Variants in PRKDC observed in about 807,000 individuals in gnomAD.
PRKDC encodes protein kinase, DNA-activated, catalytic subunit.
A neutral mutation model predicts 486.9 loss-of-function variants in PRKDC; 82 were observed. That is an observed-to-expected ratio of 0.17 (90% CI 0.14 to 0.20). The LOEUF is 0.20. Among genes scored for constraint, PRKDC ranks in the 10% least tolerant of loss-of-function variants. PRKDC has a pLI of 1.00. For missense variants in PRKDC, 4,504 were observed against 5,038.2 expected (o/e 0.89, Z 3.21); for synonymous variants, 1,895 against 1,837.0 (o/e 1.03, Z -0.81).
chr8:47,828,085 C>G lies in PRKDC; in HGVS notation c.8577+83G>C, dbSNP rs534814780. Reference sequence around the variant, plus strand: ...AACACCAGGTTATCAAGAGTCTCAACACGGGAAACATAGTGATGATGGAAA... The same window carrying G: ...AACACCAGGTTATCAAGAGTCTCAAGACGGGAAACATAGTGATGATGGAAA... On this transcript the variant is annotated intron_variant, in intron 62 of 85. Transcript: ENST00000314191. 1.2e-5 allele frequency: 16 copies of G among 1,360,552 alleles called. No individual in the cohort carries two copies. In the African/African-American group the frequency reaches 1.5e-4, roughly 12 times the overall value. 84.3% of individuals were successfully genotyped at this position (1,360,552 alleles called of 1,614,324 possible). A position where few individuals can be genotyped will look rare whatever the true frequency, so the allele number is the denominator to read the frequency against.
rs2089499467 is a variant in PRKDC, at chr8:47,893,168, T to C, written c.3818A>G (p.Glu1273Gly). The C allele has an allele frequency of 1.2e-6, 2 of 1,612,158 alleles. No homozygotes were observed. The highest frequency in any genetic ancestry group is 1.7e-6 in the Non-Finnish European group (2 of 1,178,620). Residue 1273 changes from glutamate (E) to glycine (G), a missense_variant, in exon 31 of 86, where the codon GAG (glutamate) becomes GGG (glycine). Physicochemically the swap from Glu to Gly is moderately conservative, Grantham distance 98 (BLOSUM62 -2). Coordinates refer to ENST00000314191, the MANE Select transcript of PRKDC (RefSeq NM_006904.7). ...GACCTGGAGCGCTCCTACAGTTCTC[T>C]CGCCAATGAACGTGTTGTAGCACTC... ...ALECYNTFIGERTVGALQVLG... is the reference protein window; with the variant it reads ...ALECYNTFIGGRTVGALQVLG...
At chr8:47,824,560 A>G (rs1418583747) in intron 63 of PRKDC, among the ~76,000 whole-genome samples, 1 of 151,638 alleles carries the variant, frequency 6.6e-6, no homozygotes, top group Non-Finnish European at 1.5e-5. Context: ...GTTCTCCAGT[A>G]TTAATCCATT....
chr8:47,842,855 G>T (rs1317677461), intron 54 of PRKDC, among the ~76,000 whole-genome samples: 1 of 152,130 alleles, frequency 6.6e-6, no homozygotes, highest in Non-Finnish European at 1.5e-5. Flanking sequence ...GAGTCAAAAG[G>T]CAACATAGCC....
intron 51 of PRKDC, among the ~76,000 whole-genome samples, chr8:47,853,878 C>G (rs8178163): frequency 6.6e-6 from 1 of 152,138 alleles, no homozygotes; most frequent in African/African-American, 2.4e-5. Flanking sequence ...GCTGTCCAGG[C>G]TGGTCTTGAA....
At chr8:47,908,719 GTGAACGTTCATTTTTATCTT>G (rs2089839715) in intron 25 of PRKDC, among the ~76,000 whole-genome samples, 1 of 152,172 alleles carries the variant, frequency 6.6e-6, no homozygotes. Context: ...AAGGGGTGAC[GTGAACGTTCATTTTTATCTT>G]TGAACATTTT....
intron 40 of PRKDC, among the ~76,000 whole-genome samples, chr8:47,876,088 C>T (rs963242762): frequency 3.3e-5 from 5 of 152,132 alleles, no homozygotes; most frequent in Non-Finnish European, 5.9e-5. Flanking sequence ...TTAGTGTTTG[C>T]GTGGAGCTAG....
chr8:47,776,692 G>C (rs2154497262), intron 85 of PRKDC, among the ~76,000 whole-genome samples, 152 bp downstream of exon 85: 1 of 152,260 alleles, frequency 6.6e-6, no homozygotes, highest in South Asian at 2.1e-4. Context: ...GGGGAAGTCA[G>C]CCTCTCTAAG....
At chr8:47,859,209 C>T (rs1161910188) in intron 46 of PRKDC, among the ~76,000 whole-genome samples, 1 of 152,204 alleles carries the variant, frequency 6.6e-6, no homozygotes, top group African/African-American at 2.4e-5. Flanking sequence ...CCCGTCTGCC[C>T]AGTCATTCCA....
At chr8:47,924,561 AAAT>A (rs371796979) in intron 21 of PRKDC, among the ~76,000 whole-genome samples, 4 of 151,828 alleles carry the variant, frequency 2.6e-5, no homozygotes, top group East Asian at 1.9e-4. Flanking sequence ...CTCTGTCTCA[AAAT>A]AATAATAATA....
At chr8:47,885,895 C>T (rs1335438852) in intron 36 of PRKDC, 49 bp downstream of exon 36, 1 of 1,567,150 alleles carries the variant, frequency 6.4e-7, no homozygotes, top group African/African-American at 1.4e-5. Flanking sequence ...CTGTCTCAAA[C>T]AAACAAACAA....
intron 40 of PRKDC, among the ~76,000 whole-genome samples, chr8:47,869,664 C>T (rs2088902452): frequency 6.6e-6 from 1 of 152,072 alleles, no homozygotes; most frequent in Admixed American, 6.6e-5. Flanking sequence ...AGGAGACTTG[C>T]ATAATGTTTC....
At chr8:47,868,617 A>G (rs949254686) in intron 40 of PRKDC, among the ~76,000 whole-genome samples, 51 of 152,174 alleles carry the variant, frequency 3.4e-4, no homozygotes, top group African/African-American at 1.2e-3. Flanking sequence ...GAGTGGACCA[A>G]GAAGGCTAAA....
intron 21 of PRKDC, among the ~76,000 whole-genome samples, chr8:47,920,533 A>T (rs2090054642): frequency 6.6e-6 from 1 of 152,232 alleles, no homozygotes; most frequent in South Asian, 2.1e-4. Flanking sequence ...AATTCTCCAA[A>T]AATAAGGAAG....
At chr8:47,933,894 T>C in intron 15 of PRKDC, 71 bp downstream of exon 15, 1 of 1,427,170 alleles carries the variant, frequency 7.0e-7, no homozygotes, top group Non-Finnish European at 9.4e-7. Context: ...CTGAAATAAG[T>C]CTTATGTCTA....
At chr8:47,898,615 CTGAT>C (rs778905888) in intron 28 of PRKDC, 46 bp from the exon 29 acceptor site, 4 of 1,128,902 alleles carry the variant, frequency 3.5e-6, no homozygotes, top group Non-Finnish European at 4.6e-6. Context: ...GCATATATAG[CTGAT>C]TATTATTAAA....
chr8:47,885,015 T>C (rs1478621963), intron 36 of PRKDC, among the ~76,000 whole-genome samples: 4 of 152,222 alleles, frequency 2.6e-5, no homozygotes, highest in Non-Finnish European at 4.4e-5. Context: ...GACGGGTTTG[T>C]AAGCTCCAAA....
At chr8:47,794,240 T>G in intron 74 of PRKDC, 50 bp downstream of exon 74, 1 of 1,471,600 alleles carries the variant, frequency 6.8e-7, no homozygotes, top group Non-Finnish European at 9.3e-7. Context: ...AACCACATTT[T>G]TATAACCTAT....
chr8:47,808,022 C>T (rs1299163304), intron 68 of PRKDC, among the ~76,000 whole-genome samples: 4 of 152,120 alleles, frequency 2.6e-5, no homozygotes, highest in African/African-American at 7.2e-5. Context: ...TCATGTCTGG[C>T]CTAAATTTTA....
chr8:47,785,192 G>C lies in PRKDC; in HGVS notation c.11028C>G (p.Pro3676=), dbSNP rs933614769. 5 of 1,613,708 alleles carry C rather than the reference G, an allele frequency of 3.1e-6. No individual in the cohort carries two copies. In the African/African-American group the frequency reaches 6.7e-5, roughly 22 times the overall value. ...LLLKMNKDSK[P]PGNLKECSPW... ...GTGAACATTCTTTCAGATTCCCAGGGGGCTTTGAGTCTTTGTTCATTTTTA... is the reference window on the plus strand; with the variant it reads ...GTGAACATTCTTTCAGATTCCCAGGCGGCTTTGAGTCTTTGTTCATTTTTA... The change falls in exon 77 of 86, where the codon CCC becomes CCG. Residue 3676 remains proline, a synonymous_variant. Coordinates refer to ENST00000314191, the MANE Select transcript of PRKDC (RefSeq NM_006904.7).
Sources: gnomAD v4.1 joint callset for allele counts (sites outside exome capture counted in the v4.1 genomes callset) on GRCh38, gnomAD v4.1.1 for gene constraint, MANE v1.5 for transcripts, NCBI Gene and HGNC (gene_info 2026-07-23, HGNC 2026-07-21) for gene names.